Variants in LIAS observed in about 807,000 individuals in gnomAD.
LIAS encodes the protein lipoic acid synthetase.
In LIAS, 36 loss-of-function variants were observed where a neutral mutation model predicts 49.4. That is an observed-to-expected ratio of 0.73 (90% CI 0.56 to 0.96). The LOEUF (loss-of-function observed/expected upper bound fraction) is 0.96, where lower values mean the gene tolerates loss of function less well. LIAS is among the 40% of genes least tolerant of loss of function. LIAS has a pLI of 0.00. For synonymous variants in LIAS, 145 were observed against 155.8 expected, an observed-to-expected ratio of 0.93 and a Z score of 0.52; for missense variants, 399 against 456.3, an observed-to-expected ratio of 0.87 and a Z score of 1.14.
At chr4:39,467,263 C>T (rs1218953987) in intron 6 of LIAS, 2 of 211,548 alleles carry the variant, frequency 9.5e-6, no homozygotes, top group Non-Finnish European at 1.8e-5. Flanking sequence ...TAAAAGTCTA[C>T]TATATATAAT....
chr4:39,471,478 C>T (rs1416637813), intron 9 of LIAS, among the ~76,000 whole-genome samples, 172 bp downstream of exon 9: 1 of 141,290 alleles, frequency 7.1e-6, no homozygotes, highest in East Asian at 2.1e-4. Flanking sequence ...GGACTACAGG[C>T]GGGTGCCACT....
chr4:39,473,391 G>A (rs1424054739), intron 10 of LIAS, 180 bp downstream of exon 10: 2 of 444,274 alleles, frequency 4.5e-6, no homozygotes. Flanking sequence ...ATTAAGAAAA[G>A]TTTCTCTTAA....
At chr4:39,464,639 AGGT>A (rs1560667928) in intron 4 of LIAS, among the ~76,000 whole-genome samples, 2 of 152,142 alleles carry the variant, frequency 1.3e-5, no homozygotes, top group Admixed American at 6.5e-5. Context: ...CTGAGGCTAC[AGGT>A]ACATGCCACT....
At position 39,459,091 on chromosome 4, in the gene LIAS, C is replaced by A; in HGVS notation, c.-27C>A. On this transcript the variant is annotated 5_prime_UTR_variant, in exon 1 of 11. It adds an upstream start codon to the 5' untranslated region. Coordinates refer to ENST00000640888, the MANE Select transcript of LIAS (RefSeq NM_006859.4). ...CCGGGAGTTAGCGATCCCTCAACCCCTGCACTGCGCTAGTCCTAAAGAGGA... is the reference window on the plus strand; with the variant it reads ...CCGGGAGTTAGCGATCCCTCAACCCATGCACTGCGCTAGTCCTAAAGAGGA... The A allele has an allele frequency of 6.2e-6, 10 of 1,614,050 alleles. No homozygotes were observed. The highest frequency in any genetic ancestry group is 8.5e-6 in the Non-Finnish European group (10 of 1,179,886).
intron 3 of LIAS, among the ~76,000 whole-genome samples, chr4:39,462,561 G>A (rs563242299): frequency 7.3e-4 from 111 of 152,306 alleles, no homozygotes; most frequent in African/African-American, 2.4e-3. Flanking sequence ...AATTAAATAT[G>A]AAGGTATGTC....
chr4:39,472,334 A>G (rs1745024613), intron 9 of LIAS, among the ~76,000 whole-genome samples: 1 of 152,214 alleles, frequency 6.6e-6, no homozygotes, highest in Non-Finnish European at 1.5e-5. Context: ...ATGCTGTCTC[A>G]GGGGTGGCAG....
At chr4:39,473,331 G>A (rs1039454351) in intron 10 of LIAS, 120 bp downstream of exon 10, 24 of 619,262 alleles carry the variant, frequency 3.9e-5, no homozygotes, top group Admixed American at 3.4e-4. Context: ...GGTAGAGGGC[G>A]TAGTTTTTCT....
chr4:39,465,240 C>G, intron 5 of LIAS, 38 bp downstream of exon 5: 2 of 1,612,420 alleles, frequency 1.2e-6, no homozygotes, highest in Non-Finnish European at 1.7e-6. Context: ...GAAACTGGCT[C>G]TAAATGATGA....
intron 1 of LIAS, among the ~76,000 whole-genome samples, chr4:39,459,909 G>A (rs1255999420): frequency 2.0e-5 from 3 of 150,586 alleles, no homozygotes; most frequent in African/African-American, 7.4e-5. Flanking sequence ...GCAGTGAGCC[G>A]AGATCGCGCA....
chr4:39,467,289 G>A (rs947486549), intron 6 of LIAS: 6 of 261,712 alleles, frequency 2.3e-5, no homozygotes, highest in South Asian at 1.7e-4. Context: ...ATTTTATTCA[G>A]TTTGCCTACA....
chr4:39,477,332 C>T lies in LIAS; in HGVS notation c.*217C>T. 1 of 399,222 alleles carries T rather than the reference C, an allele frequency of 2.5e-6. No individual in the cohort carries two copies. The highest frequency in any genetic ancestry group is 4.5e-6 in the Non-Finnish European group (1 of 224,718). 24.7% of individuals were successfully genotyped at this position (399,222 alleles called of 1,614,324 possible). ...TCACCTGAGGTCAGGAGTTCGAGAC[C>T]AGCCTGGCCAACATGGTGAAATCCT... On this transcript the variant is annotated 3_prime_UTR_variant, in exon 11 of 11. Coordinates refer to ENST00000640888, the MANE Select transcript of LIAS (RefSeq NM_006859.4).
At chr4:39,462,873 GC>G (rs1396035543) in intron 3 of LIAS, among the ~76,000 whole-genome samples, 8 of 152,206 alleles carry the variant, frequency 5.3e-5, no homozygotes, top group African/African-American at 1.4e-4. Context: ...TGTAGTCCCA[GC>G]TACTTGGAAG....
chr4:39,468,502 A>AAAAAAAAT (rs140159831), intron 7 of LIAS: 6 of 125,186 alleles, frequency 4.8e-5, no homozygotes, highest in African/African-American at 1.5e-4. Flanking sequence ...GGAAAAAAAA[A>AAAAAAAAT]ATATATATAT....
Position 39,477,130 on chromosome 4 carries a change from C to T in LIAS, c.*15C>T, listed in dbSNP as rs1405120842. ...AAGACCTCTAAAACTTCAACAAGAC[C>T]TTCAAGATCACAGAAATTTTTAAAA... On this transcript the variant is annotated 3_prime_UTR_variant, in exon 11 of 11. Transcript: ENST00000640888. 6.3e-7 allele frequency: 1 copy of T among 1,585,632 alleles called. No individual in the cohort carries two copies. Among genetic ancestry groups the T allele is most frequent in the Admixed American group, 1.8e-5 (1 of 54,272 alleles).
chr4:39,473,832 A>G (rs1745079605), intron 10 of LIAS: 2 of 152,232 alleles, frequency 1.3e-5, no homozygotes, highest in Admixed American at 1.3e-4. Context: ...TATGAAAAGA[A>G]AATCATTTTC....
intron 9 of LIAS, among the ~76,000 whole-genome samples, chr4:39,472,724 A>T (rs976319256): frequency 3.9e-5 from 6 of 152,246 alleles, no homozygotes; most frequent in Non-Finnish European, 8.8e-5. Flanking sequence ...CAGAAGATAC[A>T]AGTTGAGTAA....
intron 7 of LIAS, chr4:39,469,024 C>T (rs368275166): frequency 2.5e-4 from 38 of 152,120 alleles, no homozygotes; most frequent in African/African-American, 8.2e-4. Context: ...GATTGTTATC[C>T]ACATCCATTC....
rs1367032717 is a variant in LIAS at position 39,470,004 on chromosome 4, CCTG to C, written c.738-11_738-9del. On this transcript the variant is annotated splice_polypyrimidine_tract_variant and intron_variant, in intron 7 of 10. Transcript: ENST00000640888. ...ACTTGTAATTCTTGCTGACAACAGT[CCTG>C]CTGTTTTCCAGTAAGGTTCGTGATC... is the stretch of plus-strand genomic sequence containing the variant. The C allele has an allele frequency of 6.2e-7, 1 of 1,602,014 alleles. No homozygotes were observed. The highest frequency in any genetic ancestry group is 8.5e-7 in the Non-Finnish European group (1 of 1,171,644).
intron 3 of LIAS, 77 bp downstream of exon 3, chr4:39,462,366 A>G (rs1744550933): frequency 2.3e-6 from 1 of 439,682 alleles, no homozygotes; most frequent in South Asian, 4.5e-5. Flanking sequence ...AAAATTATTA[A>G]TAAATATATA....
Sources: allele counts gnomAD v4.1 joint callset (sites outside exome capture counted in the v4.1 genomes callset), GRCh38; gene constraint gnomAD v4.1.1; transcripts MANE v1.5; gene names NCBI Gene and HGNC (gene_info 2026-07-23, HGNC 2026-07-21).